The following TENM1 variants were observed in gnomAD, a reference collection of about 807,000 sequenced individuals.
The protein encoded by TENM1 is teneurin transmembrane protein 1.
In TENM1, 35 loss-of-function variants were observed where a neutral mutation model predicts 174.8. The observed-to-expected ratio is 0.20, with a 90% confidence interval of 0.15 to 0.27. The LOEUF is 0.27. TENM1 is among the 10% of genes least tolerant of loss of function. The pLI is 1.00. For synonymous variants in TENM1, 781 were observed against 798.7 expected, an observed-to-expected ratio of 0.98 and a Z score of 0.37; for missense variants, 1,633 against 2,130.1, an observed-to-expected ratio of 0.77 and a Z score of 4.59.
chrX:125,032,456 C>T, the TENM1 span, among the ~76,000 whole-genome samples: 1 of 111,036 alleles, frequency 9.0e-6, no homozygotes, highest in Non-Finnish European at 1.9e-5. Context: ...AGGAGTGAGC[C>T]ACCGTGTCCA....
chrX:125,173,259 T>C, the TENM1 span, among the ~76,000 whole-genome samples: 1 of 111,660 alleles, frequency 9.0e-6, no homozygotes, highest in Non-Finnish European at 1.9e-5. Flanking sequence ...AGTATGAACA[T>C]AAATTTTTCT....
At chrX:125,114,084 A>ATT in the TENM1 span, among the ~76,000 whole-genome samples, 1 of 112,107 alleles carries the variant, frequency 8.9e-6, no homozygotes, top group Admixed American at 9.5e-5. Flanking sequence ...GTGCAATCAA[A>ATT]TTAGAACTCA....
intron 11 of TENM1, among the ~76,000 whole-genome samples, chrX:124,634,150 T>C (rs1360341027): frequency 8.9e-6 from 1 of 111,754 alleles, no homozygotes; most frequent in Non-Finnish European, 1.9e-5. Flanking sequence ...GAATTAGGCA[T>C]AAGCTTTTTG....
chrX:124,406,121 G>C, intron 26 of TENM1, among the ~76,000 whole-genome samples, 196 bp downstream of exon 29: 1 of 108,048 alleles, frequency 9.3e-6, no homozygotes, highest in Non-Finnish European at 1.9e-5. Flanking sequence ...CTCCCACAGA[G>C]ATGGGCCCAA....
intron 5 of TENM1, among the ~76,000 whole-genome samples, chrX:124,679,216 T>G (rs2052169161): frequency 8.9e-6 from 1 of 112,312 alleles, no homozygotes; most frequent in Non-Finnish European, 1.9e-5. Context: ...CAAAAGCATA[T>G]AATATTTTCT....
the TENM1 span, among the ~76,000 whole-genome samples, chrX:124,991,634 A>T: frequency 9.1e-6 from 1 of 110,294 alleles, no homozygotes; most frequent in Non-Finnish European, 1.9e-5. Flanking sequence ...GGGAATTTGT[A>T]CTACTTTTCC....
chrX:124,421,129 A>G (rs1651270762), intron 24 of TENM1, among the ~76,000 whole-genome samples: 1 of 111,952 alleles, frequency 8.9e-6, no homozygotes, highest in Non-Finnish European at 1.9e-5. Flanking sequence ...AATGATAGCC[A>G]CACAAAATTT....
At chrX:125,187,998 T>A in the TENM1 span, among the ~76,000 whole-genome samples, 1 of 111,618 alleles carries the variant, frequency 9.0e-6, no homozygotes. Context: ...ATATAGAAAG[T>A]TATAATATGT....
intron 4 of TENM1, among the ~76,000 whole-genome samples, chrX:124,713,354 C>T (rs1220511071): frequency 5.4e-5 from 6 of 110,508 alleles, no homozygotes; most frequent in Non-Finnish European, 7.6e-5. Flanking sequence ...CTGCAACCTC[C>T]GCCTCCTGGG....
At chrX:124,680,258 C>T (rs1468834405) in intron 5 of TENM1, among the ~76,000 whole-genome samples, 1 of 111,145 alleles carries the variant, frequency 9.0e-6, no homozygotes, top group Non-Finnish European at 1.9e-5. Flanking sequence ...TTCTCTATTG[C>T]AGCATGCTTT....
intron 3 of TENM1, among the ~76,000 whole-genome samples, chrX:124,806,370 GAAGA>G (rs1237162977): frequency 8.9e-6 from 1 of 111,967 alleles, no homozygotes; most frequent in African/African-American, 3.2e-5. Context: ...AAGATGGAGA[GAAGA>G]AAGATAGAAG....
Position 124,904,054 on chromosome X carries a change from GGTGCGTGTGTGT to G in TENM1, c.218-7825_218-7814del, listed in dbSNP as rs201562787. ...AGTATGTGCAGCTTTTTGGTCAATG[GGTGCGTGTGTGT>G]GTGCGTGTGTGTGTGTGTCTGAAAT... is the stretch of plus-strand genomic sequence containing the variant. On this transcript the variant is annotated intron_variant, in intron 1 of 31. Transcript: ENST00000422452. Among the ~76,000 whole-genome samples, 714 of 108,024 alleles carry G rather than the reference GGTGCGTGTGTGT, an allele frequency of 6.6e-3. 7 individuals carry two copies. The highest frequency in any genetic ancestry group is 0.024 in the African/African-American group (675 of 27,955). 93.8% of individuals were successfully genotyped at this position (108,024 alleles called of 115,157 possible). A position where few individuals can be genotyped will look rare whatever the true frequency, so the allele number is the denominator to read the frequency against.
At chrX:124,518,012 G>A (rs1413016254) in intron 18 of TENM1, among the ~76,000 whole-genome samples, 3 of 110,277 alleles carry the variant, frequency 2.7e-5, no homozygotes, top group East Asian at 2.9e-4. Context: ...AATGTTCACC[G>A]CAGAGAGTTC....
chrX:124,477,973 A>G (rs1430600737), intron 22 of TENM1, among the ~76,000 whole-genome samples: 1 of 105,739 alleles, frequency 9.5e-6, no homozygotes, highest in Non-Finnish European at 1.9e-5. Flanking sequence ...TGTGACTAAT[A>G]CTATTTACAT....
At chrX:124,601,871 G>T (rs914638550) in intron 11 of TENM1, among the ~76,000 whole-genome samples, 1 of 111,016 alleles carries the variant, frequency 9.0e-6, no homozygotes, top group Non-Finnish European at 1.9e-5. Context: ...TGGAACTTGG[G>T]AGAATACATT....
rs552104481 is a variant in TENM1 at position 124,506,622 on chromosome X, G to A, written c.3302-2919C>T. ...TCCAAAATTTCCAGCTGACTTTAAT[G>A]AGGATAGCTGTGTGTCGGGGTATTT... On this transcript the variant is annotated intron_variant, in intron 18 of 31. Transcript: ENST00000422452. Among the ~76,000 whole-genome samples the A allele has an allele frequency of 3.6e-5, 4 of 111,570 alleles. No individual in the cohort carries two copies. In the South Asian group the frequency reaches 1.5e-3, roughly 42 times the overall value.
At chrX:125,136,637 G>C in the TENM1 span, among the ~76,000 whole-genome samples, 2 of 111,447 alleles carry the variant, frequency 1.8e-5, no homozygotes, top group Non-Finnish European at 1.9e-5. Flanking sequence ...GTTTGTTTCA[G>C]AGTCTTATTT....
At chrX:124,971,018 C>G in the TENM1 span, among the ~76,000 whole-genome samples, 5 of 107,229 alleles carry the variant, frequency 4.7e-5, no homozygotes, top group African/African-American at 1.7e-4. Context: ...CCATCATTCT[C>G]AGCAAACTAT....
chrX:124,705,302 A>G (rs2052874165), intron 4 of TENM1, 51 bp from the exon 8 acceptor site: 2 of 929,786 alleles, frequency 2.2e-6, no homozygotes, highest in Non-Finnish European at 3.0e-6. Context: ...GCCAGTTGCT[A>G]CAAAAACACA....
Sources: allele counts gnomAD v4.1 joint callset (sites outside exome capture counted in the v4.1 genomes callset), GRCh38; gene constraint gnomAD v4.1.1; transcripts MANE v1.5; gene names NCBI Gene and HGNC (gene_info 2026-07-23, HGNC 2026-07-21).